UBE2H: variants seen among roughly 807,000 people sequenced by gnomAD.
The protein encoded by UBE2H is ubiquitin-conjugating enzyme E2 H.
Under a neutral mutation model 29.0 loss-of-function variants are expected in UBE2H, and 3 were observed. The observed-to-expected ratio is 0.10, with a 90% confidence interval of 0.05 to 0.27. The LOEUF (loss-of-function observed/expected upper bound fraction) is 0.27, where lower values mean the gene tolerates loss of function less well. UBE2H is among the 10% of genes least tolerant of loss of function. UBE2H has a pLI of 1.00. For missense variants in UBE2H, 68 were observed against 228.2 expected (o/e 0.30, Z 4.52); for synonymous variants, 69 against 82.9 (o/e 0.83, Z 0.91).
chr7:129,858,104 T>C (rs1436665566), intron 4 of UBE2H, among the ~76,000 whole-genome samples: 1 of 152,114 alleles, frequency 6.6e-6, no homozygotes, highest in Non-Finnish European at 1.5e-5. Context: ...GATCCTTTAT[T>C]GAAAGAAAAA....
At position 129,886,767 on chromosome 7, in the gene UBE2H, TAAAAAAAAA is replaced by T. The variant is rs79067201; in HGVS notation, c.54-5805_54-5797del. On this transcript the variant is annotated intron_variant, in intron 1 of 6. Coordinates refer to ENST00000355621, the MANE Select transcript of UBE2H (RefSeq NM_003344.4). Reference sequence around the variant, plus strand: ...CACTACCTGGTTTTTTGTTTTTTGGTAAAAAAAAAAAAAAAAAAAAAAAAAAGATATGTC... The same window carrying T: ...CACTACCTGGTTTTTTGTTTTTTGGTAAAAAAAAAAAAAAAAAGATATGTC... Among the ~76,000 whole-genome samples, 26 of 72,060 alleles carry T rather than the reference TAAAAAAAAA, an allele frequency of 3.6e-4. No homozygotes were observed. The South Asian group carries it at 0.011, about 31-fold the overall frequency. 47.3% of individuals were successfully genotyped at this position (72,060 alleles called of 152,430 possible). A position where few individuals can be genotyped will look rare whatever the true frequency, so the allele number is the denominator to read the frequency against.
chr7:129,874,624 G>C (rs959029864), intron 3 of UBE2H, among the ~76,000 whole-genome samples: 1 of 152,052 alleles, frequency 6.6e-6, no homozygotes, highest in Non-Finnish European at 1.5e-5. Context: ...TCTTTTATTA[G>C]AAGACTTTTA....
At chr7:129,911,168 T>C (rs1236403947) in intron 1 of UBE2H, among the ~76,000 whole-genome samples, 10 of 151,748 alleles carry the variant, frequency 6.6e-5, no homozygotes, top group Admixed American at 6.6e-4. Context: ...AATGAGACCA[T>C]CCTGGCTAAC....
chr7:129,883,251 T>C (rs184652114), intron 1 of UBE2H, among the ~76,000 whole-genome samples: 48 of 152,370 alleles, frequency 3.2e-4, no homozygotes, highest in African/African-American at 1.1e-3. Flanking sequence ...ATTTCACTTA[T>C]ATGAAGTTAT....
At chr7:129,940,920 C>T (rs969477883) in intron 1 of UBE2H, among the ~76,000 whole-genome samples, 7 of 152,172 alleles carry the variant, frequency 4.6e-5, no homozygotes, top group Non-Finnish European at 1.0e-4. Context: ...TTCTACAATG[C>T]ACTCGAATTA....
At chr7:129,914,314 C>T (rs749196015) in intron 1 of UBE2H, among the ~76,000 whole-genome samples, 6 of 152,038 alleles carry the variant, frequency 3.9e-5, no homozygotes, top group East Asian at 1.9e-4. Flanking sequence ...ACTACAGGAG[C>T]GCCCCACCAT....
chr7:129,841,388 A>C (rs1450331109), intron 5 of UBE2H, among the ~76,000 whole-genome samples: 1 of 152,250 alleles, frequency 6.6e-6, no homozygotes, highest in Non-Finnish European at 1.5e-5. Context: ...GTTAGAGACT[A>C]ATCTAGAGCT....
At chr7:129,931,260 C>T (rs529822372) in intron 1 of UBE2H, among the ~76,000 whole-genome samples, 28 of 150,478 alleles carry the variant, frequency 1.9e-4, no homozygotes, top group East Asian at 9.8e-4. Flanking sequence ...TGGTGGTATG[C>T]GCCTGTAATC....
chr7:129,848,142 G>C lies in UBE2H; in HGVS notation c.299-8807C>G, dbSNP rs567942678. The stretch of plus-strand genomic sequence containing the variant: ...AATTCTGCAACCTGGAGAACTGCTT[G>C]AACTCGGGAGGTGGAGGCTGCGGTA... On this transcript the variant is annotated intron_variant, in intron 5 of 6. Transcript: ENST00000355621. 3.1e-4 allele frequency among the ~76,000 whole-genome samples: 47 copies of C among 152,226 alleles called. No individual in the cohort carries two copies. The South Asian group carries it at 8.7e-3, about 28-fold the overall frequency.
chr7:129,858,560 A>G (rs1392822853), intron 4 of UBE2H, among the ~76,000 whole-genome samples: 2 of 152,236 alleles, frequency 1.3e-5, no homozygotes, highest in East Asian at 3.8e-4. Context: ...AGAAAATATT[A>G]TAAGATCTGA....
Position 129,865,050 on chromosome 7 carries a change from T to C in UBE2H, c.206-6109A>G, listed in dbSNP as rs781366650. On this transcript the variant is annotated intron_variant, in intron 3 of 6. Coordinates refer to ENST00000355621, the MANE Select transcript of UBE2H (RefSeq NM_003344.4). Reference sequence around the variant, plus strand: ...CCTGCGTCTTTTAGCAGAAGGGAATTAGGTAATTTATAATTCTGGAGAAGG... The same window carrying C: ...CCTGCGTCTTTTAGCAGAAGGGAATCAGGTAATTTATAATTCTGGAGAAGG... The C allele has an allele frequency of 1.1e-5, 5 of 443,360 alleles. No individual in the cohort carries two copies. The East Asian group carries it at 3.5e-4, about 31-fold the overall frequency. 27.5% of individuals were successfully genotyped at this position (443,360 alleles called of 1,614,324 possible). A position where few individuals can be genotyped will look rare whatever the true frequency, so the allele number is the denominator to read the frequency against.
At chr7:129,857,255 A>C (rs1186918205) in intron 5 of UBE2H, 4 of 501,570 alleles carry the variant, frequency 8.0e-6, no homozygotes, top group Admixed American at 3.8e-5. Flanking sequence ...GTGCGCATGT[A>C]CTCATGTGTG....
At chr7:129,881,621 C>A (rs1563032664) in intron 1 of UBE2H, among the ~76,000 whole-genome samples, 4 of 152,030 alleles carry the variant, frequency 2.6e-5, no homozygotes, top group African/African-American at 9.7e-5. Flanking sequence ...GCACTCCAGC[C>A]TGGGTGATAG....
chr7:129,874,236 C>T (rs937734046), intron 3 of UBE2H, among the ~76,000 whole-genome samples: 3 of 151,534 alleles, frequency 2.0e-5, no homozygotes. Context: ...TATAATAGAT[C>T]CAGAAGAGAA....
At chr7:129,902,364 G>A (rs1806733573) in intron 1 of UBE2H, among the ~76,000 whole-genome samples, 1 of 152,186 alleles carries the variant, frequency 6.6e-6, no homozygotes, top group South Asian at 2.1e-4. Context: ...AGCTGGGCAT[G>A]GTGGCAGGCA....
At chr7:129,927,453 T>C (rs746079908) in intron 1 of UBE2H, among the ~76,000 whole-genome samples, 6 of 152,062 alleles carry the variant, frequency 3.9e-5, no homozygotes, top group African/African-American at 1.2e-4. Flanking sequence ...AGGCAGAGAA[T>C]TGCTTGAACC....
chr7:129,840,499 A>G (rs1805409602), intron 5 of UBE2H, among the ~76,000 whole-genome samples: 1 of 151,688 alleles, frequency 6.6e-6, no homozygotes, highest in South Asian at 2.1e-4. Context: ...CTTGCCAGGC[A>G]TACACAGATG....
At chr7:129,902,922 C>CG (rs1806746179) in intron 1 of UBE2H, among the ~76,000 whole-genome samples, 1 of 152,202 alleles carries the variant, frequency 6.6e-6, no homozygotes, top group African/African-American at 2.4e-5. Flanking sequence ...CTCAACAACC[C>CG]TATCATGCAA....
chr7:129,944,748 A>ACGCACGCACG (rs1554441932), intron 1 of UBE2H, among the ~76,000 whole-genome samples: 123 of 140,156 alleles, frequency 8.8e-4, no homozygotes, highest in African/African-American at 3.1e-3. Flanking sequence ...ACACACACAC[A>ACGCACGCACG]CACGCACGCA....
Sources: allele counts gnomAD v4.1 joint callset (sites outside exome capture counted in the v4.1 genomes callset), GRCh38; gene constraint gnomAD v4.1.1; transcripts MANE v1.5; gene names NCBI Gene and HGNC (gene_info 2026-07-23, HGNC 2026-07-21).